CCNY: variants seen among roughly 807,000 people sequenced by gnomAD.
The protein encoded by CCNY is cyclin-Y.
CCNY carries 19 observed loss-of-function variants against 42.8 expected under a neutral mutation model. The observed-to-expected ratio is 0.44, with a 90% CI of 0.31 to 0.65. The LOEUF (loss-of-function observed/expected upper bound fraction) is 0.65, where lower values mean the gene tolerates loss of function less well. CCNY is among the 30% of genes least tolerant of loss of function. The pLI is 0.07. For missense variants in CCNY, 370 were observed against 437.3 expected, an observed-to-expected ratio of 0.85 and a Z score of 1.37; for synonymous variants, 165 against 162.7, an observed-to-expected ratio of 1.01 and a Z score of -0.11.
intron 3 of CCNY, 159 bp downstream of exon 3, chr10:35,501,694 C>G: frequency 1.5e-6 from 1 of 651,620 alleles, no homozygotes; most frequent in South Asian, 1.9e-5. Flanking sequence ...ATTGGACAAG[C>G]ATCACTCAGT....
At chr10:35,540,305 T>C (rs1414682959) in intron 7 of CCNY, among the ~76,000 whole-genome samples, 2 of 152,246 alleles carry the variant, frequency 1.3e-5, no homozygotes, top group Admixed American at 6.5e-5. Context: ...TTCTGTTAAA[T>C]GCTTTTCTGC....
chr10:35,256,954 AAATGT>A (rs1368586950), intron 3 of CCNY, among the ~76,000 whole-genome samples: 2 of 152,186 alleles, frequency 1.3e-5, no homozygotes, highest in Admixed American at 6.5e-5. Context: ...TAATTTTTAA[AAATGT>A]ATTAGTCTCT....
At chr10:35,294,090 C>A (rs1295180641) in intron 3 of CCNY, among the ~76,000 whole-genome samples, 2 of 152,140 alleles carry the variant, frequency 1.3e-5, no homozygotes, top group Non-Finnish European at 2.9e-5. Context: ...GCGTCTGGCA[C>A]AATTGATATT....
chr10:35,539,584 C>T lies in CCNY; in HGVS notation c.579+9341C>T, dbSNP rs915852195. On this transcript the variant is annotated intron_variant, in intron 7 of 9. Coordinates refer to ENST00000374704, the MANE Select transcript of CCNY (RefSeq NM_145012.6). ...AGGGTGGGTCACGAGGTCAAGAGAT[C>T]GAGACCATCCTGGCCAATATGGTGA... is the stretch of plus-strand genomic sequence containing the variant. Among the ~76,000 whole-genome samples the T allele has an allele frequency of 2.8e-4, 43 of 152,082 alleles. 1 individual carries two copies. The highest frequency in any genetic ancestry group is 1.3e-4 in the Non-Finnish European group (9 of 68,006).
chr10:35,422,716 TTTTTTG>T (rs1838185309), intron 1 of CCNY, among the ~76,000 whole-genome samples: 1 of 152,234 alleles, frequency 6.6e-6, no homozygotes, highest in Non-Finnish European at 1.5e-5. Context: ...ATTTGCTTAT[TTTTTTG>T]TCATTTAAGA....
chr10:35,501,690 C>G (rs759388913), intron 3 of CCNY, 155 bp downstream of exon 3: 5 of 667,174 alleles, frequency 7.5e-6, no homozygotes, highest in Non-Finnish European at 1.3e-5. Flanking sequence ...TGTAATTGGA[C>G]AAGCATCACT....
chr10:35,336,841 T>TCGTCGCCGCCGC lies in CCNY; in HGVS notation c.-210_-199dup, dbSNP rs1178925828. The TCGTCGCCGCCGC allele has an allele frequency of 6.7e-6, 1 of 148,362 alleles. No individual in the cohort carries two copies. The highest frequency in any genetic ancestry group is 1.5e-5 in the Non-Finnish European group (1 of 68,378). 9.2% of individuals were successfully genotyped at this position (148,362 alleles called of 1,614,324 possible). The stretch of plus-strand genomic sequence containing the variant: ...AGGGGGAGCCGGGGCCGTCGCCCGC[T>TCGTCGCCGCCGC]CGTCGCCGCCGCCGCCGCCGCCGCC... On this transcript the variant is annotated 5_prime_UTR_variant, in exon 1 of 10. Transcript: ENST00000374704.
At chr10:35,345,490 C>T (rs948595787) in intron 1 of CCNY, among the ~76,000 whole-genome samples, 7 of 151,152 alleles carry the variant, frequency 4.6e-5, no homozygotes, top group African/African-American at 1.5e-4. Flanking sequence ...AAAACTGACT[C>T]GCCTTACACA....
intron 3 of CCNY, among the ~76,000 whole-genome samples, chr10:35,330,711 A>G (rs1835932287): frequency 6.6e-6 from 1 of 152,076 alleles, no homozygotes; most frequent in Non-Finnish European, 1.5e-5. Flanking sequence ...CTAGAATTCC[A>G]GCTATCCTGA....
At chr10:35,507,873 A>G (rs1840246306) in intron 3 of CCNY, among the ~76,000 whole-genome samples, 1 of 151,978 alleles carries the variant, frequency 6.6e-6, no homozygotes, top group Admixed American at 6.6e-5. Flanking sequence ...ATTTACAGCC[A>G]GAATACTACA....
intron 1 of CCNY, among the ~76,000 whole-genome samples, chr10:35,372,023 C>G (rs1836947950): frequency 6.6e-6 from 1 of 152,216 alleles, no homozygotes; most frequent in Non-Finnish European, 1.5e-5. Flanking sequence ...GGGCAGACCA[C>G]TCCTGTGTGA....
At chr10:35,269,815 A>G (rs923853203) in intron 3 of CCNY, among the ~76,000 whole-genome samples, 1 of 151,656 alleles carries the variant, frequency 6.6e-6, no homozygotes, top group Non-Finnish European at 1.5e-5. Flanking sequence ...TTTTTAGTAG[A>G]GATGGGGTTT....
At chr10:35,411,621 A>G (rs1837907705) in intron 1 of CCNY, among the ~76,000 whole-genome samples, 1 of 152,012 alleles carries the variant, frequency 6.6e-6, no homozygotes, top group Admixed American at 6.6e-5. Context: ...AGGCATAGGA[A>G]TTTGGGTTGA....
chr10:35,271,511 G>A (rs1192673064), intron 3 of CCNY, among the ~76,000 whole-genome samples: 1 of 152,178 alleles, frequency 6.6e-6, no homozygotes, highest in Non-Finnish European at 1.5e-5. Flanking sequence ...CGAGCATTCT[G>A]TTCTCAACAA....
chr10:35,505,086 G>A (rs1840187941), intron 3 of CCNY, among the ~76,000 whole-genome samples: 1 of 148,452 alleles, frequency 6.7e-6, no homozygotes, highest in Non-Finnish European at 1.5e-5. Context: ...TAATTAAAGT[G>A]TAAAAATCTC....
chr10:35,532,127 C>T (rs112098568), intron 7 of CCNY, among the ~76,000 whole-genome samples: 3,283 of 152,334 alleles, frequency 0.022, 107 homozygotes, highest in African/African-American at 0.071. Context: ...CCCTGCAGCC[C>T]ATCCTCTGGT....
chr10:35,468,128 A>G (rs1304802051), intron 1 of CCNY, among the ~76,000 whole-genome samples: 1 of 152,258 alleles, frequency 6.6e-6, no homozygotes, highest in African/African-American at 2.4e-5. Flanking sequence ...AGGTGCTGGC[A>G]GATTTGGTAT....
intron 3 of CCNY, among the ~76,000 whole-genome samples, chr10:35,324,431 G>C (rs1807679123): frequency 6.6e-6 from 1 of 152,212 alleles, no homozygotes; most frequent in Non-Finnish European, 1.5e-5. Flanking sequence ...ATTTGGATTT[G>C]TAATGAAACC....
chr10:35,328,374 G>T (rs895427651), intron 3 of CCNY, among the ~76,000 whole-genome samples: 1 of 152,220 alleles, frequency 6.6e-6, no homozygotes, highest in African/African-American at 2.4e-5. Flanking sequence ...TGGGATATAG[G>T]CAGAAGAGTG....
Sources: gnomAD v4.1 joint callset for allele counts (sites outside exome capture counted in the v4.1 genomes callset) on GRCh38, gnomAD v4.1.1 for gene constraint, MANE v1.5 for transcripts, NCBI Gene and HGNC (gene_info 2026-07-23, HGNC 2026-07-21) for gene names.